Variants in STAU1 observed in about 807,000 individuals in gnomAD.
STAU1 encodes the protein staufen double-stranded RNA binding protein 1.
Under a neutral mutation model 62.9 loss-of-function variants are expected in STAU1, and 13 were observed. That is an observed-to-expected ratio of 0.21 (90% confidence interval 0.13 to 0.33). STAU1 has a LOEUF of 0.33. Ranked by LOEUF, STAU1 falls within the 10% of genes least tolerant of loss-of-function variation. The probability of loss-of-function intolerance (pLI) is 1.00; values close to 1 mark genes in which losing one functional copy is unlikely to be tolerated. For missense variants in STAU1, 571 were observed against 712.1 expected (o/e 0.80, Z 2.25); for synonymous variants, 269 against 265.1 (o/e 1.01, Z -0.14).
chr20:49,144,183 C>T (rs887815134), intron 5 of STAU1, among the ~76,000 whole-genome samples: 3 of 152,176 alleles, frequency 2.0e-5, no homozygotes, highest in African/African-American at 7.2e-5. Context: ...CACCTTTGGA[C>T]ACACACCTCC....
At chr20:49,195,936 A>C in the STAU1 span, among the ~76,000 whole-genome samples, 149 of 146,654 alleles carry the variant, frequency 1.0e-3, no homozygotes, top group Non-Finnish European at 1.6e-3. Flanking sequence ...AAAAAAAAAA[A>C]ACAAAGAAAC....
chr20:49,179,860 C>A (rs538541767), intron 1 of STAU1, among the ~76,000 whole-genome samples: 5 of 152,204 alleles, frequency 3.3e-5, no homozygotes, highest in Non-Finnish European at 5.9e-5. Flanking sequence ...GTATTTCCAA[C>A]ACCTATTAGT....
intron 6 of STAU1, among the ~76,000 whole-genome samples, chr20:49,126,588 C>CAA: frequency 0.085 from 4,753 of 56,010 alleles, 595 homozygotes; most frequent in African/African-American, 0.25. Flanking sequence ...AAAAAAAAAA[C>CAA]AAAAAAAAAA....
At chr20:49,157,636 C>T (rs950587222) in intron 3 of STAU1, among the ~76,000 whole-genome samples, 34 of 152,060 alleles carry the variant, frequency 2.2e-4, no homozygotes, top group Admixed American at 2.2e-3. Context: ...TGCACCACCA[C>T]GCCCAGCTAA....
intron 3 of STAU1, 83 bp downstream of exon 3, chr20:49,165,914 C>T (rs2093518463): frequency 7.2e-7 from 1 of 1,388,782 alleles, no homozygotes; most frequent in Non-Finnish European, 1.0e-6. Context: ...AATGTGAGAG[C>T]TCCCTAAATC....
intron 2 of STAU1, among the ~76,000 whole-genome samples, chr20:49,168,538 A>T (rs999003284): frequency 6.6e-6 from 1 of 152,244 alleles, no homozygotes; most frequent in Admixed American, 6.5e-5. Context: ...CAAACCAAAA[A>T]AAAAAAGTTA....
At chr20:49,178,627 T>C (rs1490651492) in intron 1 of STAU1, among the ~76,000 whole-genome samples, 3 of 152,132 alleles carry the variant, frequency 2.0e-5, no homozygotes, top group African/African-American at 4.8e-5. Flanking sequence ...GGCACATGCC[T>C]GTAATCCCAG....
chr20:49,132,817 TC>T (rs2092780912), intron 6 of STAU1, among the ~76,000 whole-genome samples: 2 of 152,152 alleles, frequency 1.3e-5, no homozygotes, highest in African/African-American at 4.8e-5. Context: ...AAAAAACTGT[TC>T]CTGTCTTCCC....
the STAU1 span, among the ~76,000 whole-genome samples, chr20:49,204,267 G>A: frequency 6.6e-6 from 1 of 151,610 alleles, no homozygotes; most frequent in Admixed American, 6.6e-5. Context: ...GGTGCCACAG[G>A]CCCTCACCAC....
rs1175751205 is a variant in STAU1, at chr20:49,114,561, G to A, written c.*317C>T. 5 of 355,636 alleles carry A rather than the reference G, an allele frequency of 1.4e-5. No homozygotes were observed. The highest frequency in any genetic ancestry group is 2.1e-5 in the African/African-American group (1 of 48,458). The allele number at this position is 355,636 out of a possible 1,614,324, so 22.0% of individuals were successfully genotyped here. On this transcript the variant is annotated 3_prime_UTR_variant, in exon 14 of 14. Coordinates refer to ENST00000371856, the MANE Select transcript of STAU1 (RefSeq NM_017453.4). ...ACAGGGGAAAAAAAAGACCAAACAC[G>A]GAGGTGCCCAGGGTGTGGATCTGCT...
At chr20:49,149,299 A>G (rs1220860809) in intron 5 of STAU1, among the ~76,000 whole-genome samples, 1 of 135,636 alleles carries the variant, frequency 7.4e-6, no homozygotes, top group South Asian at 2.5e-4. Flanking sequence ...CACCAGCAAG[A>G]ACAACAAAAG....
chr20:49,145,685 G>A (rs750331384), intron 5 of STAU1, among the ~76,000 whole-genome samples: 11 of 149,254 alleles, frequency 7.4e-5, no homozygotes, highest in African/African-American at 1.7e-4. Context: ...AGCCGAGATC[G>A]CACCACTGCA....
At chr20:49,127,285 C>T (rs1444660430) in intron 6 of STAU1, among the ~76,000 whole-genome samples, 2 of 152,104 alleles carry the variant, frequency 1.3e-5, no homozygotes, top group Non-Finnish European at 2.9e-5. Flanking sequence ...ACCCAGGAGA[C>T]GGAGGTTGCA....
the STAU1 span, among the ~76,000 whole-genome samples, chr20:49,194,965 G>A: frequency 7.0e-4 from 106 of 152,004 alleles, 3 homozygotes; most frequent in Middle Eastern, 6.8e-3. Context: ...AATAATAACG[G>A]GAAACCATAA....
intron 1 of STAU1, among the ~76,000 whole-genome samples, chr20:49,182,639 C>A (rs1451403883): frequency 6.6e-6 from 1 of 152,110 alleles, no homozygotes; most frequent in Admixed American, 6.5e-5. Context: ...GAGATCGAGA[C>A]CATTCTAGCT....
At chr20:49,195,933 A>AG in the STAU1 span, among the ~76,000 whole-genome samples, 2 of 146,914 alleles carry the variant, frequency 1.4e-5, no homozygotes, top group African/African-American at 5.0e-5. Flanking sequence ...AAGAAAAAAA[A>AG]AAAACAAAGA....
chr20:49,177,485 T>C (rs2093674221), intron 1 of STAU1, among the ~76,000 whole-genome samples: 1 of 151,702 alleles, frequency 6.6e-6, no homozygotes, highest in African/African-American at 2.4e-5. Context: ...GAGACCATCC[T>C]GGCTAACACA....
intron 1 of STAU1, among the ~76,000 whole-genome samples, chr20:49,186,478 T>C (rs2093789131): frequency 6.6e-6 from 1 of 152,078 alleles, no homozygotes; most frequent in South Asian, 2.1e-4. Flanking sequence ...TAAATCAAAA[T>C]AGTTTCAGTT....
At chr20:49,171,812 C>CCG (rs2084759931) in intron 2 of STAU1, among the ~76,000 whole-genome samples, 1 of 151,690 alleles carries the variant, frequency 6.6e-6, no homozygotes, top group African/African-American at 2.4e-5. Context: ...TCCAAAATGA[C>CCG]CGCTTTAAGG....
Sources: allele counts gnomAD v4.1 joint callset (sites outside exome capture counted in the v4.1 genomes callset), GRCh38; gene constraint gnomAD v4.1.1; transcripts MANE v1.5; gene names NCBI Gene and HGNC (gene_info 2026-07-23, HGNC 2026-07-21).